The following CLVS1 variants were observed in gnomAD, a reference collection of about 807,000 sequenced individuals.
CLVS1 encodes clavesin 1, also known as clavesin-1.
CLVS1 carries 10 observed loss-of-function variants against 33.1 expected under a neutral mutation model. The ratio of observed to expected loss-of-function variants is 0.30; its 90% CI spans 0.19 to 0.51. CLVS1 has a LOEUF of 0.51. Among genes scored for constraint, CLVS1 ranks in the 20% least tolerant of loss-of-function variants. The pLI, the probability that CLVS1 is intolerant of heterozygous loss-of-function variation, is 0.97. For synonymous variants in CLVS1, 163 were observed against 166.1 expected, an observed-to-expected ratio of 0.98 and a Z score of 0.14; for missense variants, 343 against 433.4, an observed-to-expected ratio of 0.79 and a Z score of 1.85.
intron 2 of CLVS1, among the ~76,000 whole-genome samples, chr8:61,360,173 A>G (rs1372804318): frequency 6.6e-6 from 1 of 152,128 alleles, no homozygotes; most frequent in Non-Finnish European, 1.5e-5. Context: ...AGAAGAACAC[A>G]CCTTTCCCAC....
intron 1 of CLVS1, among the ~76,000 whole-genome samples, chr8:61,075,906 A>G (rs1434283933): frequency 6.6e-6 from 1 of 152,212 alleles, no homozygotes; most frequent in African/African-American, 2.4e-5. Flanking sequence ...AGATTAGAAA[A>G]ATTAATATTA....
At position 61,413,041 on chromosome 8, in the gene CLVS1, G is replaced by T. The variant is rs1000632226; in HGVS notation, c.630+36262G>T. 1.2e-4 allele frequency among the ~76,000 whole-genome samples: 18 copies of T among 151,966 alleles called. 1 individual carries two copies. The highest frequency in any genetic ancestry group is 2.9e-5 in the Non-Finnish European group (2 of 67,998). On this transcript the variant is annotated intron_variant, in intron 3 of 5. Transcript: ENST00000325897. ...GGTGCATTTTTGGATTTAATATTTT[G>T]ATTTAATCTATGTATGAATGATCCC...
intron 4 of CLVS1, among the ~76,000 whole-genome samples, chr8:61,454,571 C>T (rs1817080339): frequency 6.6e-6 from 1 of 152,200 alleles, no homozygotes; most frequent in South Asian, 2.1e-4. Flanking sequence ...CTTTCCTGTT[C>T]ATAAAATGTT....
the CLVS1 span, among the ~76,000 whole-genome samples, chr8:61,046,570 T>A: frequency 6.7e-6 from 1 of 148,902 alleles, no homozygotes; most frequent in East Asian, 2.0e-4. Context: ...ATCTATAAAT[T>A]ACCTTGGGCA....
At chr8:61,471,950 C>T (rs1486408898) in intron 5 of CLVS1, among the ~76,000 whole-genome samples, 2 of 152,238 alleles carry the variant, frequency 1.3e-5, no homozygotes, top group Non-Finnish European at 2.9e-5. Context: ...CACACACAGC[C>T]CCCATCACAC....
intron 1 of CLVS1, among the ~76,000 whole-genome samples, chr8:61,063,295 T>C (rs4737574): frequency 1.0e-5 from 1 of 95,356 alleles, no homozygotes; most frequent in Non-Finnish European, 2.0e-5. Context: ...GAGAGAGAGA[T>C]AGAGAGAGAG....
At position 61,255,785 on chromosome 8, in the gene CLVS1, AAC is replaced by A. The variant is rs1479998120; in HGVS notation, c.-151-43891_-151-43890del. Among the ~76,000 whole-genome samples, 37 of 151,610 alleles carry A rather than the reference AAC, an allele frequency of 2.4e-4. No individual in the cohort carries two copies. The East Asian group carries it at 7.1e-3, about 29-fold the overall frequency. On this transcript the variant is annotated intron_variant, in intron 2 of 2. Coordinates refer to the CLVS1 transcript ENST00000522621. ...TAATTTAAAAAAACTCTGAAACTTGAACCTACTATAAGAAGTAGGCCTTACTG... is the reference window on the plus strand; with the variant it reads ...TAATTTAAAAAAACTCTGAAACTTGACTACTATAAGAAGTAGGCCTTACTG...
intron 2 of CLVS1, among the ~76,000 whole-genome samples, chr8:61,365,269 T>C (rs1813149823): frequency 2.0e-5 from 3 of 152,162 alleles, no homozygotes; most frequent in Admixed American, 6.5e-5. Flanking sequence ...GGCTCACGTC[T>C]GTAATCCCAG....
chr8:61,406,051 C>T (rs1211804978), intron 3 of CLVS1, among the ~76,000 whole-genome samples: 1 of 152,142 alleles, frequency 6.6e-6, no homozygotes, highest in African/African-American at 2.4e-5. Context: ...AAGTAAGGTC[C>T]ACCTAAATAA....
intron 2 of CLVS1, among the ~76,000 whole-genome samples, chr8:61,352,745 C>A (rs1196930797): frequency 1.3e-5 from 2 of 151,782 alleles, no homozygotes; most frequent in South Asian, 4.1e-4. Flanking sequence ...ACAGATTCAA[C>A]AAATGGTGGA....
intron 2 of CLVS1, among the ~76,000 whole-genome samples, chr8:61,374,309 T>A (rs1410868599): frequency 2.0e-5 from 3 of 152,196 alleles, no homozygotes; most frequent in Admixed American, 2.0e-4. Context: ...TAATTCTTCC[T>A]CCTTCAACCT....
At chr8:61,452,751 G>T (rs1348154853) in intron 3 of CLVS1, among the ~76,000 whole-genome samples, 1 of 152,166 alleles carries the variant, frequency 6.6e-6, no homozygotes, top group Non-Finnish European at 1.5e-5. Context: ...GAAGGCAAAG[G>T]CCTTTTACTG....
intron 2 of CLVS1, among the ~76,000 whole-genome samples, chr8:61,307,449 G>A (rs370573662): frequency 1.3e-5 from 2 of 152,076 alleles, no homozygotes; most frequent in African/African-American, 2.4e-5. Flanking sequence ...AGCAAGGGCC[G>A]AAAGGTTGGA....
intron 5 of CLVS1, among the ~76,000 whole-genome samples, chr8:61,473,062 G>A (rs567578022): frequency 6.6e-6 from 1 of 152,230 alleles, no homozygotes; most frequent in South Asian, 2.1e-4. Context: ...ATACAGGTGT[G>A]TAACGAGGAG....
At chr8:61,487,623 T>A (rs1803929315) in intron 5 of CLVS1, among the ~76,000 whole-genome samples, 1 of 152,210 alleles carries the variant, frequency 6.6e-6, no homozygotes, top group African/African-American at 2.4e-5. Flanking sequence ...CATCCTGTCT[T>A]TAAGACAGTT....
chr8:61,381,868 C>T (rs1234949515), intron 3 of CLVS1, among the ~76,000 whole-genome samples: 1 of 152,086 alleles, frequency 6.6e-6, no homozygotes, highest in African/African-American at 2.4e-5. Flanking sequence ...GATTCCATGT[C>T]TTTGCTATTG....
At chr8:61,458,682 A>G (rs1186010144) in intron 5 of CLVS1, 140 bp downstream of exon 5, 9 of 616,952 alleles carry the variant, frequency 1.5e-5, no homozygotes, top group Non-Finnish European at 2.5e-5. Flanking sequence ...TTCTCAGCTG[A>G]TTTCACTAAA....
chr8:61,403,444 G>T (rs577251459), intron 3 of CLVS1, among the ~76,000 whole-genome samples: 38 of 152,176 alleles, frequency 2.5e-4, no homozygotes, highest in Non-Finnish European at 4.6e-4. Context: ...AAGAGGAGAT[G>T]CAGGGAAACC....
At chr8:61,112,300 C>A (rs1028558824) in intron 1 of CLVS1, among the ~76,000 whole-genome samples, 2 of 151,928 alleles carry the variant, frequency 1.3e-5, no homozygotes, top group Non-Finnish European at 2.9e-5. Flanking sequence ...CCTACTTGAT[C>A]ATGGTGTATT....
Sources: allele counts gnomAD v4.1 joint callset (sites outside exome capture counted in the v4.1 genomes callset), GRCh38; gene constraint gnomAD v4.1.1; transcripts MANE v1.5; gene names NCBI Gene and HGNC (gene_info 2026-07-23, HGNC 2026-07-21).